The following TENM3 variants were observed in gnomAD, a reference collection of about 807,000 sequenced individuals.
The protein encoded by TENM3 is teneurin transmembrane protein 3.
A neutral mutation model predicts 255.1 loss-of-function variants in TENM3; 63 were observed. The observed-to-expected ratio is 0.25, with a 90% CI of 0.20 to 0.30. TENM3 has a LOEUF of 0.30. Ranked by LOEUF, TENM3 falls within the 10% of genes least tolerant of loss-of-function variation. The pLI is 1.00. For synonymous variants in TENM3, 1,306 were observed against 1,322.3 expected, an observed-to-expected ratio of 0.99 and a Z score of 0.27; for missense variants, 2,929 against 3,461.1, an observed-to-expected ratio of 0.85 and a Z score of 3.86.
the TENM3 span, among the ~76,000 whole-genome samples, chr4:181,472,126 G>A: frequency 1.5e-3 from 225 of 152,228 alleles, 3 homozygotes; most frequent in Non-Finnish European, 3.5e-4. Context: ...ATATTTTGGG[G>A]TGTCATGTTC....
the TENM3 span, among the ~76,000 whole-genome samples, chr4:181,866,473 G>T: frequency 6.6e-6 from 1 of 152,170 alleles, no homozygotes; most frequent in Non-Finnish European, 1.5e-5. Flanking sequence ...AGAAGTCACT[G>T]CAATTATATA....
chr4:181,562,184 A>C, the TENM3 span, among the ~76,000 whole-genome samples: 1 of 152,058 alleles, frequency 6.6e-6, no homozygotes, highest in Non-Finnish European at 1.5e-5. Flanking sequence ...AGATACTTAA[A>C]TTTATTTGTA....
At chr4:181,585,097 TTG>T in the TENM3 span, among the ~76,000 whole-genome samples, 1 of 152,054 alleles carries the variant, frequency 6.6e-6, no homozygotes, top group South Asian at 2.1e-4. Context: ...CTAACTGCCT[TTG>T]TGACTTTTCC....
At chr4:181,965,749 C>T in the TENM3 span, among the ~76,000 whole-genome samples, 1 of 152,136 alleles carries the variant, frequency 6.6e-6, no homozygotes, top group Non-Finnish European at 1.5e-5. Flanking sequence ...TATTAATCTC[C>T]ATCCCCTTTT....
At chr4:182,099,345 A>G in the TENM3 span, among the ~76,000 whole-genome samples, 6 of 152,280 alleles carry the variant, frequency 3.9e-5, no homozygotes, top group East Asian at 1.2e-3. Context: ...AAGACCTTAA[A>G]TGTGATCACT....
At chr4:182,062,078 GTTATA>G in the TENM3 span, among the ~76,000 whole-genome samples, 1 of 152,110 alleles carries the variant, frequency 6.6e-6, no homozygotes, top group Non-Finnish European at 1.5e-5. Context: ...TAAGTGTCTG[GTTATA>G]TTATATGTAT....
chr4:181,610,337 T>C, the TENM3 span, among the ~76,000 whole-genome samples: 1 of 152,200 alleles, frequency 6.6e-6, no homozygotes, highest in African/African-American at 2.4e-5. Context: ...ACTGTTGCTA[T>C]TTGGATTCTA....
chr4:181,548,755 A>G, the TENM3 span, among the ~76,000 whole-genome samples: 1 of 152,178 alleles, frequency 6.6e-6, no homozygotes, highest in African/African-American at 2.4e-5. Context: ...GAGCAAGGAA[A>G]CATTTTAAAG....
chr4:182,018,547 C>T, the TENM3 span, among the ~76,000 whole-genome samples: 1 of 152,234 alleles, frequency 6.6e-6, no homozygotes, highest in African/African-American at 2.4e-5. Flanking sequence ...CTTTAGTTCC[C>T]AGCATCATTC....
chr4:182,177,406 G>A (rs1236467412), intron 1 of TENM3, among the ~76,000 whole-genome samples: 1 of 152,042 alleles, frequency 6.6e-6, no homozygotes, highest in Non-Finnish European at 1.5e-5. Flanking sequence ...GCCACTCAGA[G>A]GAGCATGTCC....
the TENM3 span, among the ~76,000 whole-genome samples, chr4:181,672,359 C>A: frequency 2.6e-5 from 4 of 152,148 alleles, no homozygotes; most frequent in Admixed American, 6.6e-5. Flanking sequence ...CTAATACTAG[C>A]TTTTCAAACA....
the TENM3 span, among the ~76,000 whole-genome samples, chr4:181,641,368 G>A: frequency 7.5e-4 from 114 of 151,060 alleles, no homozygotes; most frequent in African/African-American, 2.5e-3. Flanking sequence ...GGTGTGTGAC[G>A]TTCCCCTCCC....
At chr4:182,380,219 C>T (rs906312169) in intron 3 of TENM3, among the ~76,000 whole-genome samples, 3 of 152,034 alleles carry the variant, frequency 2.0e-5, no homozygotes, top group Non-Finnish European at 2.9e-5. Flanking sequence ...TGCAGTGAGC[C>T]GAGATTGTGC....
Position 182,324,058 on chromosome 4 carries a change from C to A in TENM3, c.38C>A (p.Thr13Asn). The A allele has an allele frequency of 6.2e-7, 1 of 1,613,988 alleles. No homozygotes were observed. Among genetic ancestry groups the A allele is most frequent in the Non-Finnish European group, 8.5e-7 (1 of 1,179,894 alleles). Residue 13 changes from threonine to asparagine, a missense_variant, in exon 2 of 28, where the codon ACC (threonine) becomes AAC (asparagine). By Grantham distance (65) the Thr-to-Asn change is moderately conservative. Transcript: ENST00000511685. Reference sequence around the variant, plus strand: ...GAACGCAGGCCTTACTGCTCCCTGACCAAGAGCAGACGAGAGAAGGAACGG... The same window carrying A: ...GAACGCAGGCCTTACTGCTCCCTGAACAAGAGCAGACGAGAGAAGGAACGG... ...VKERRPYCSL[T>N]KSRREKERRY...
chr4:181,771,177 CT>C, the TENM3 span, among the ~76,000 whole-genome samples: 1 of 151,998 alleles, frequency 6.6e-6, no homozygotes, highest in Non-Finnish European at 1.5e-5. Context: ...TAATGTGTGC[CT>C]TTAAATATGT....
chr4:181,467,924 A>C, the TENM3 span, among the ~76,000 whole-genome samples: 2 of 152,146 alleles, frequency 1.3e-5, no homozygotes, highest in Non-Finnish European at 2.9e-5. Context: ...CCAGAATAAA[A>C]AATTTTAGAC....
At chr4:182,317,498 G>A (rs1762817278) in intron 1 of TENM3, among the ~76,000 whole-genome samples, 1 of 151,792 alleles carries the variant, frequency 6.6e-6, no homozygotes, top group Non-Finnish European at 1.5e-5. Flanking sequence ...TTTGGTTTTT[G>A]TAGAGAGAGG....
intron 22 of TENM3, 160 bp downstream of exon 22, chr4:182,755,419 G>T: frequency 1.5e-6 from 1 of 659,564 alleles, no homozygotes; most frequent in African/African-American, 1.8e-5. Context: ...GCTCATTCCC[G>T]TAGTCTCAGC....
At chr4:181,656,124 C>A in the TENM3 span, among the ~76,000 whole-genome samples, 1 of 152,078 alleles carries the variant, frequency 6.6e-6, no homozygotes, top group Non-Finnish European at 1.5e-5. Flanking sequence ...GTCATTGTAA[C>A]GGCGAGCCTT....
Sources: allele counts gnomAD v4.1 joint callset (sites outside exome capture counted in the v4.1 genomes callset), GRCh38; gene constraint gnomAD v4.1.1; transcripts MANE v1.5; gene names NCBI Gene and HGNC (gene_info 2026-07-23, HGNC 2026-07-21).